Variants in B9D1 observed in about 807,000 individuals in gnomAD.
B9D1 encodes B9 domain-containing protein 1.
Under a neutral mutation model 26.1 loss-of-function variants are expected in B9D1, and 20 were observed. The ratio of observed to expected loss-of-function variants is 0.77; its 90% CI spans 0.54 to 1.12. The LOEUF is 1.12. Ranked by LOEUF, B9D1 falls within the 50% of genes most tolerant of loss-of-function variation. The probability of loss-of-function intolerance (pLI) is 0.00; values close to 1 mark genes in which losing one functional copy is unlikely to be tolerated. For synonymous variants in B9D1, 105 were observed against 103.1 expected, an observed-to-expected ratio of 1.02 and a Z score of -0.11; for missense variants, 260 against 273.7, an observed-to-expected ratio of 0.95 and a Z score of 0.35.
intron 1 of B9D1, among the ~76,000 whole-genome samples, chr17:19,369,540 A>T (rs1426842544): frequency 6.6e-6 from 1 of 152,162 alleles, no homozygotes; most frequent in African/African-American, 2.4e-5. Flanking sequence ...CCAGGCCCAG[A>T]TCACCCAGCG....
downstream of B9D1, among the ~76,000 whole-genome samples, chr17:19,340,179 A>G (rs1254561482): frequency 1.3e-5 from 2 of 152,010 alleles, no homozygotes; most frequent in African/African-American, 4.8e-5. Flanking sequence ...TGGGTTGTGC[A>G]TTCTTTTTTG....
At chr17:19,362,742 C>A (rs1451515719), upstream of B9D1, 5 of 1,489,722 alleles carry the variant, frequency 3.4e-6, no homozygotes, top group Admixed American at 2.0e-5. Context: ...AGTGAACGGG[C>A]GCCGTTATAA....
At chr17:19,339,819 TC>T (rs1050621466), downstream of B9D1, among the ~76,000 whole-genome samples, 2 of 152,186 alleles carry the variant, frequency 1.3e-5, no homozygotes, top group African/African-American at 4.8e-5. Context: ...GTGGTGAAGA[TC>T]CTTTTCATAC....
intron 5 of B9D1, chr17:19,346,907 T>C: frequency 7.0e-7 from 1 of 1,437,032 alleles, no homozygotes; most frequent in South Asian, 1.5e-5. Flanking sequence ...TAAAGGCATT[T>C]ATCATGATTA....
At position 19,360,320 on chromosome 17, in the gene B9D1, C is replaced by T. The variant is rs1356232164; in HGVS notation, c.132G>A (p.Ala44=). ...FVYGQDWAPT[A]GLEEGISQIT... Reference sequence around the variant, plus strand: ...AGGGAGGCCCAAGAGTCCAGCTTACCGCTGTGGGGGCCCAGTCCTGGCCGT... The same window carrying T: ...AGGGAGGCCCAAGAGTCCAGCTTACTGCTGTGGGGGCCCAGTCCTGGCCGT... Residue 44 remains alanine, a splice_region_variant and synonymous_variant, in exon 2 of 7, where the codon GCG becomes GCA. Coordinates refer to ENST00000261499, the MANE Select transcript of B9D1 (RefSeq NM_015681.6). The T allele has an allele frequency of 3.7e-6, 6 of 1,613,886 alleles. No homozygotes were observed. The highest frequency in any genetic ancestry group is 1.1e-5 in the South Asian group (1 of 91,078).
downstream of B9D1, chr17:19,340,985 T>G (rs768817440): frequency 2.1e-5 from 8 of 377,002 alleles, no homozygotes; most frequent in Non-Finnish European, 2.9e-5. Flanking sequence ...GATGAATAGT[T>G]GGATATATGT....
chr17:19,345,350 G>A (rs1041561362), intron 5 of B9D1, among the ~76,000 whole-genome samples: 2 of 152,170 alleles, frequency 1.3e-5, no homozygotes, highest in African/African-American at 2.4e-5. Context: ...TAGGAACACC[G>A]TTTTTCTTGC....
downstream of B9D1, among the ~76,000 whole-genome samples, chr17:19,338,579 G>C (rs1907653150): frequency 6.6e-6 from 1 of 152,248 alleles, no homozygotes; most frequent in Non-Finnish European, 1.5e-5. Context: ...GATGGGCGTG[G>C]CCATATGACT....
chr17:19,369,349 C>T (rs572367498), intron 1 of B9D1, among the ~76,000 whole-genome samples: 41 of 152,156 alleles, frequency 2.7e-4, no homozygotes, highest in Admixed American at 8.5e-4. Context: ...TTCCCAGGGC[C>T]GCGTTCGGTG....
At chr17:19,336,905 C>T (rs773716398), downstream of B9D1, among the ~76,000 whole-genome samples, 31 of 152,242 alleles carry the variant, frequency 2.0e-4, no homozygotes, top group Non-Finnish European at 3.8e-4. Flanking sequence ...GGGTGGGAGG[C>T]GTGCCTTTTG....
intron 3 of B9D1, among the ~76,000 whole-genome samples, chr17:19,353,267 C>T (rs1054640128): frequency 1.3e-5 from 2 of 152,070 alleles, no homozygotes; most frequent in African/African-American, 4.8e-5. Context: ...AGCCACCGTA[C>T]CCAGCCACTA....
chr17:19,336,119 C>T (rs1043809), downstream of B9D1: 84,615 of 152,198 alleles, frequency 0.56, 30,697 homozygotes, highest in Non-Finnish European at 0.81. Context: ...TTCCTGAGGC[C>T]GCCCTCTCCA....
At chr17:19,337,887 G>A (rs1907582038), downstream of B9D1, 1 of 616,494 alleles carries the variant, frequency 1.6e-6, no homozygotes, top group Non-Finnish European at 3.0e-6. Context: ...GGATGGGCAA[G>A]TGCAGGCTTC....
In B9D1 at chr17:19,347,342, T is replaced by C. The variant is rs1299526018; in HGVS notation, c.342-11A>G. 1 of 1,614,114 alleles carries C rather than the reference T, an allele frequency of 6.2e-7. No individual in the cohort carries two copies. Among genetic ancestry groups the C allele is most frequent in the Admixed American group, 1.7e-5 (1 of 60,028 alleles). On this transcript the variant is annotated splice_polypyrimidine_tract_variant and intron_variant, in intron 4 of 6. Coordinates refer to ENST00000261499, the MANE Select transcript of B9D1 (RefSeq NM_015681.6). This position sits in a 1 kb window ranked among gnomAD's most constrained non-coding sequence, Gnocchi z 4.3. ...ATGGTCCTTTTGTGCCTGAAACAAA[T>C]GTTTTTGCAGACAGAGATGCTGAGT...
At chr17:19,363,262 T>A (rs969396100), upstream of B9D1, among the ~76,000 whole-genome samples, 1 of 152,180 alleles carries the variant, frequency 6.6e-6, no homozygotes, top group Non-Finnish European at 1.5e-5. Context: ...AATCCTTACA[T>A]CCAAGCCATC....
At chr17:19,335,406 C>T (rs750275983), downstream of B9D1, 13 of 1,549,354 alleles carry the variant, frequency 8.4e-6, no homozygotes, top group Non-Finnish European at 1.1e-5. Flanking sequence ...TTATTAAAGG[C>T]ATGCAGGGAT....
chr17:19,340,038 C>CG (rs1368556411), downstream of B9D1, among the ~76,000 whole-genome samples: 9 of 41,380 alleles, frequency 2.2e-4, 1 homozygote, highest in Non-Finnish European at 6.3e-4. Context: ...GCCCAACCCC[C>CG]CCCCCCCCCC....
chr17:19,346,815 T>C lies in B9D1; in HGVS notation c.404+454A>G, dbSNP rs533298823. On this transcript the variant is annotated intron_variant, in intron 5 of 6. Transcript: ENST00000261499. Reference sequence around the variant, plus strand: ...CCTCAGCCTGGCAGGCACTGTTCCCTGTGCCTGATGTTCTTCCCCGGCTCT... The same window carrying C: ...CCTCAGCCTGGCAGGCACTGTTCCCCGTGCCTGATGTTCTTCCCCGGCTCT... The C allele has an allele frequency of 4.8e-5, 46 of 962,308 alleles. No individual in the cohort carries two copies. The South Asian group carries it at 7.3e-4, about 15-fold the overall frequency. 59.6% of individuals were successfully genotyped at this position (962,308 alleles called of 1,614,324 possible). A position where few individuals can be genotyped will look rare whatever the true frequency, so the allele number is the denominator to read the frequency against.
At chr17:19,376,599 G>A (rs1912118999) in intron 1 of B9D1, among the ~76,000 whole-genome samples, 1 of 122,208 alleles carries the variant, frequency 8.2e-6, no homozygotes, top group Admixed American at 1.1e-4. Context: ...GGCCAACAGG[G>A]TGAAACCCCA....
Sources: gnomAD v4.1 joint callset for allele counts (sites outside exome capture counted in the v4.1 genomes callset) on GRCh38, gnomAD v4.1.1 for gene constraint, Gnocchi (gnomAD v3.1) non-coding constraint, MANE v1.5 for transcripts, NCBI Gene and HGNC (gene_info 2026-07-23, HGNC 2026-07-21) for gene names.